LRRC4C: variants seen among roughly 807,000 people sequenced by gnomAD.
LRRC4C encodes the protein leucine-rich repeat-containing protein 4C.
Under a neutral mutation model 33.6 loss-of-function variants are expected in LRRC4C, and 5 were observed. The ratio of observed to expected loss-of-function variants is 0.15; its 90% CI spans 0.08 to 0.31. The LOEUF is 0.31. LRRC4C is among the 10% of genes least tolerant of loss of function. The pLI is 1.00. For synonymous variants in LRRC4C, 329 were observed against 302.0 expected (o/e 1.09, Z -0.93); for missense variants, 560 against 796.7 (o/e 0.70, Z 3.58).
Position 41,010,705 on chromosome 11 carries a change from T to G in LRRC4C, c.-495-76982A>C, listed in dbSNP as rs1219034362. 2.0e-5 allele frequency among the ~76,000 whole-genome samples: 3 copies of G among 152,148 alleles called. No homozygotes were observed. The East Asian group carries it at 5.8e-4, about 29-fold the overall frequency. The stretch of plus-strand genomic sequence containing the variant: ...TTTTTGAGAGAGATTAGAAAGTAAA[T>G]AAATGGTGGCAACTTCCTTAAGAGT... On this transcript the variant is annotated intron_variant, in intron 1 of 6. Coordinates refer to ENST00000528697, the MANE Select transcript of LRRC4C (RefSeq NM_001258419.2).
intron 3 of LRRC4C, among the ~76,000 whole-genome samples, chr11:40,539,337 T>A (rs1214733826): frequency 6.6e-6 from 1 of 152,184 alleles, no homozygotes; most frequent in Non-Finnish European, 1.5e-5. Context: ...CTATATTGAT[T>A]TATTCTCATA....
At chr11:40,465,216 AC>A (rs529013428) in intron 3 of LRRC4C, among the ~76,000 whole-genome samples, 5 of 151,984 alleles carry the variant, frequency 3.3e-5, no homozygotes, top group African/African-American at 9.6e-5. Flanking sequence ...AAGAAAGAAA[AC>A]CCCGTTCAAT....
intron 2 of LRRC4C, among the ~76,000 whole-genome samples, chr11:40,901,881 G>T (rs1045495145): frequency 1.3e-5 from 2 of 151,726 alleles, no homozygotes; most frequent in African/African-American, 2.4e-5. Flanking sequence ...AATATATAAC[G>T]TTTAATCTGA....
At chr11:40,511,576 T>C (rs75006237) in intron 3 of LRRC4C, among the ~76,000 whole-genome samples, 9 of 152,276 alleles carry the variant, frequency 5.9e-5, no homozygotes, top group African/African-American at 1.9e-4. Flanking sequence ...AGCAGCACAG[T>C]GCCTGGCTTG....
At chr11:41,331,396 C>T (rs1356476037) in intron 1 of LRRC4C, among the ~76,000 whole-genome samples, 1 of 152,102 alleles carries the variant, frequency 6.6e-6, no homozygotes, top group Non-Finnish European at 1.5e-5. Flanking sequence ...CATCTGCCAC[C>T]GACAAAGAAA....
At chr11:40,896,977 A>G (rs1955975380) in intron 2 of LRRC4C, among the ~76,000 whole-genome samples, 1 of 152,212 alleles carries the variant, frequency 6.6e-6, no homozygotes, top group African/African-American at 2.4e-5. Context: ...GAGTTTTGAG[A>G]AAGATAAACC....
At chr11:40,408,298 G>T (rs1275386692) in intron 3 of LRRC4C, among the ~76,000 whole-genome samples, 3 of 151,846 alleles carry the variant, frequency 2.0e-5, no homozygotes, top group Non-Finnish European at 4.4e-5. Flanking sequence ...TTAAAATAAG[G>T]TATTATACAT....
intron 3 of LRRC4C, among the ~76,000 whole-genome samples, chr11:40,497,942 A>G (rs1185347719): frequency 6.6e-6 from 1 of 152,186 alleles, no homozygotes; most frequent in Admixed American, 6.6e-5. Flanking sequence ...AGTATTTCTG[A>G]CTTTTCATTT....
At chr11:40,797,241 G>A (rs576052004) in intron 2 of LRRC4C, among the ~76,000 whole-genome samples, 3 of 152,146 alleles carry the variant, frequency 2.0e-5, no homozygotes, top group Admixed American at 6.5e-5. Flanking sequence ...ATCTCTGATT[G>A]GGATATAAAA....
chr11:41,356,711 A>T (rs1250480349), intron 1 of LRRC4C, among the ~76,000 whole-genome samples: 1 of 152,138 alleles, frequency 6.6e-6, no homozygotes, highest in Non-Finnish European at 1.5e-5. Flanking sequence ...ATCTGATATC[A>T]TTGGTCTAAG....
intron 3 of LRRC4C, among the ~76,000 whole-genome samples, chr11:40,630,106 T>A (rs1963323901): frequency 6.6e-6 from 1 of 152,266 alleles, no homozygotes; most frequent in East Asian, 1.9e-4. Context: ...TAACCTCAGT[T>A]GTAGACTTTG....
chr11:40,374,066 A>G (rs748522407), intron 3 of LRRC4C, among the ~76,000 whole-genome samples: 5 of 152,218 alleles, frequency 3.3e-5, no homozygotes, highest in South Asian at 4.1e-4. Context: ...CAAGACTATT[A>G]AGATTAAAAA....
chr11:40,929,540 C>T (rs1420104064), intron 2 of LRRC4C, among the ~76,000 whole-genome samples: 2 of 152,134 alleles, frequency 1.3e-5, no homozygotes, highest in Non-Finnish European at 2.9e-5. Flanking sequence ...TCAGTGCTAT[C>T]CGTCCATAGT....
chr11:41,211,404 C>T (rs762233002), intron 1 of LRRC4C, among the ~76,000 whole-genome samples: 64 of 152,050 alleles, frequency 4.2e-4, no homozygotes, highest in African/African-American at 1.5e-3. Flanking sequence ...TATGTATACA[C>T]GTGCCATGTT....
chr11:41,297,404 G>C (rs576762778), intron 1 of LRRC4C, among the ~76,000 whole-genome samples: 1 of 152,104 alleles, frequency 6.6e-6, no homozygotes, highest in Admixed American at 6.5e-5. Context: ...CTTGTAAAAT[G>C]TGTTTAGAAG....
At chr11:40,916,283 A>T (rs1000660833) in intron 2 of LRRC4C, among the ~76,000 whole-genome samples, 8 of 152,292 alleles carry the variant, frequency 5.3e-5, no homozygotes, top group Non-Finnish European at 1.0e-4. Context: ...AATAGCAAAG[A>T]CTTGGAACCA....
In LRRC4C at chr11:40,340,772, G is replaced by A. The variant is rs74878850; in HGVS notation, c.-269-21051C>T. Among the ~76,000 whole-genome samples the A allele has an allele frequency of 6.6e-5, 10 of 152,168 alleles. No individual in the cohort carries two copies. The East Asian group carries it at 1.4e-3, about 21-fold the overall frequency. On this transcript the variant is annotated intron_variant, in intron 3 of 6. Coordinates refer to ENST00000528697, the MANE Select transcript of LRRC4C (RefSeq NM_001258419.2). ...TAGCAGAGCTGAGGTTAAATATCAG[G>A]TCTGTTTATTCTGGTTCCTGATCAC...
At chr11:41,413,473 A>T (rs913672991) in intron 1 of LRRC4C, among the ~76,000 whole-genome samples, 1 of 152,210 alleles carries the variant, frequency 6.6e-6, no homozygotes, top group African/African-American at 2.4e-5. Flanking sequence ...AATTATCATT[A>T]TTGCAAAAGA....
intron 3 of LRRC4C, among the ~76,000 whole-genome samples, chr11:40,491,214 G>A (rs570473542): frequency 1.3e-5 from 2 of 152,224 alleles, no homozygotes; most frequent in Admixed American, 6.5e-5. Flanking sequence ...GAACCCAGGA[G>A]GCAAAGGTTG....
Sources: gnomAD v4.1 joint callset for allele counts (sites outside exome capture counted in the v4.1 genomes callset) on GRCh38, gnomAD v4.1.1 for gene constraint, MANE v1.5 for transcripts, NCBI Gene and HGNC (gene_info 2026-07-23, HGNC 2026-07-21) for gene names.